The following USP3 variants were observed in gnomAD, a reference collection of about 807,000 sequenced individuals.
USP3 encodes ubiquitin carboxyl-terminal hydrolase 3.
A neutral mutation model predicts 72.3 loss-of-function variants in USP3; 20 were observed. The observed-to-expected ratio is 0.28, with a 90% confidence interval of 0.19 to 0.40. The LOEUF (loss-of-function observed/expected upper bound fraction) is 0.40, where lower values mean the gene tolerates loss of function less well. Among genes scored for constraint, USP3 ranks in the 10% least tolerant of loss-of-function variants. The pLI, the probability that USP3 is intolerant of heterozygous loss-of-function variation, is 1.00. For missense variants in USP3, 479 were observed against 633.9 expected, an observed-to-expected ratio of 0.76 and a Z score of 2.62; for synonymous variants, 222 against 225.3, an observed-to-expected ratio of 0.99 and a Z score of 0.13.
chr15:63,510,839 G>T (rs1325273603), intron 1 of USP3, among the ~76,000 whole-genome samples: 1 of 152,148 alleles, frequency 6.6e-6, no homozygotes, highest in Non-Finnish European at 1.5e-5. Flanking sequence ...GGTTTCTTTT[G>T]AGAATGTAGG....
chr15:63,542,337 A>G (rs1291641789), intron 3 of USP3: 1 of 313,112 alleles, frequency 3.2e-6, no homozygotes, highest in African/African-American at 2.3e-5. Flanking sequence ...GCTAGCTACT[A>G]TTGGACAGTG....
rs930096015 is a variant in USP3, at chr15:63,574,521, A to T, written c.1096+118A>T. 1.4e-6 allele frequency: 1 copy of T among 704,944 alleles called. No homozygotes were observed. Among genetic ancestry groups the T allele is most frequent in the African/African-American group, 1.9e-5 (1 of 53,570 alleles). The allele number at this position is 704,944 out of a possible 1,614,324, so 43.7% of individuals were successfully genotyped here. On this transcript the variant is annotated intron_variant, in intron 11 of 14. Transcript: ENST00000380324. The surrounding 1 kb of genome is among the most constrained non-coding windows in gnomAD (Gnocchi z 4.6). ...CTTTAATGAATCTGTGTTGTAACTT[A>T]ACAAAAGTCAAACTTGAATGTCTTT... is the stretch of plus-strand genomic sequence containing the variant.
At chr15:63,537,767 T>C (rs2066180405) in intron 3 of USP3, among the ~76,000 whole-genome samples, 1 of 152,074 alleles carries the variant, frequency 6.6e-6, no homozygotes, top group Non-Finnish European at 1.5e-5. Context: ...CTCACCTCAA[T>C]GTCTGCCTCC....
chr15:63,559,173 AAATGGGTT>A (rs1344526297), intron 6 of USP3, among the ~76,000 whole-genome samples: 1 of 152,246 alleles, frequency 6.6e-6, no homozygotes, highest in Non-Finnish European at 1.5e-5. Flanking sequence ...CACTAGGCAT[AAATGGGTT>A]AATCAAGGTC....
chr15:63,585,258 C>T (rs1471077678), intron 11 of USP3, among the ~76,000 whole-genome samples: 1 of 152,108 alleles, frequency 6.6e-6, no homozygotes, highest in African/African-American at 2.4e-5. Context: ...TCTATTTCTG[C>T]AGAAATTTCT....
intron 7 of USP3, among the ~76,000 whole-genome samples, chr15:63,561,807 A>G (rs999069722): frequency 2.0e-5 from 3 of 152,208 alleles, no homozygotes; most frequent in Admixed American, 1.3e-4. Flanking sequence ...CCAGGGACCT[A>G]TGTGATTGTG....
chr15:63,512,230 C>G (rs1341227854), intron 1 of USP3, among the ~76,000 whole-genome samples: 3 of 151,908 alleles, frequency 2.0e-5, no homozygotes, highest in Admixed American at 6.6e-5. Flanking sequence ...GCCTCCGTGC[C>G]TAGCCAGTAA....
rs554432738 is a variant in USP3, at chr15:63,591,638, G to A, written c.*812G>A. 7.9e-5 allele frequency: 12 copies of A among 152,074 alleles called. No homozygotes were observed. Among genetic ancestry groups the A allele is most frequent in the African/African-American group, 2.9e-4 (12 of 41,336 alleles). 9.4% of individuals were successfully genotyped at this position (152,074 alleles called of 1,614,324 possible). ...ATGGCGTCTGCCTCCTTTTGAATCA[G>A]TATCTCATTCCCCCTTAGTTGTACC... On this transcript the variant is annotated 3_prime_UTR_variant, in exon 15 of 15. Coordinates refer to ENST00000380324, the MANE Select transcript of USP3 (RefSeq NM_006537.4).
chr15:63,517,373 G>C (rs1595706418), intron 1 of USP3, among the ~76,000 whole-genome samples: 1 of 151,994 alleles, frequency 6.6e-6, no homozygotes, highest in East Asian at 1.9e-4. Context: ...AGAGTATGTT[G>C]GTTTTGAAGT....
chr15:63,592,870 T>G lies in USP3; in HGVS notation c.*2044T>G, dbSNP rs1038914481. ...GCTCCATTTCCATTTTAATATTAAC[T>G]GGATAAATCCCACATCTTCCCAGAA... On this transcript the variant is annotated 3_prime_UTR_variant, in exon 15 of 15. Transcript: ENST00000380324. The G allele has an allele frequency of 1.3e-5, 2 of 152,318 alleles. No individual in the cohort carries two copies. Among genetic ancestry groups the G allele is most frequent in the East Asian group, 3.9e-4 (2 of 5,190 alleles). The allele number at this position is 152,318 out of a possible 1,614,324, so 9.4% of individuals were successfully genotyped here. A position where few individuals can be genotyped will look rare whatever the true frequency, so the allele number is the denominator to read the frequency against.
At chr15:63,589,695 G>A (rs1399969075) in intron 14 of USP3, among the ~76,000 whole-genome samples, 1 of 152,072 alleles carries the variant, frequency 6.6e-6, no homozygotes, top group East Asian at 1.9e-4. Flanking sequence ...TCTCTATACT[G>A]TAGGTCTGAA....
intron 8 of USP3, among the ~76,000 whole-genome samples, chr15:63,569,685 G>A (rs541485275): frequency 3.9e-5 from 6 of 152,182 alleles, no homozygotes; most frequent in African/African-American, 1.4e-4. Context: ...CCTTCCACCT[G>A]TTCCAGTTTC....
Position 63,542,209 on chromosome 15 carries a change from G to C in USP3, c.284+5053G>C, listed in dbSNP as rs1352751806. Reference sequence around the variant, plus strand: ...GAGAAAGAGGTAGAGATTTTTCTCTGTCTTGGGTATGACATATATGTTATT... The same window carrying C: ...GAGAAAGAGGTAGAGATTTTTCTCTCTCTTGGGTATGACATATATGTTATT... On this transcript the variant is annotated intron_variant, in intron 3 of 14. Transcript: ENST00000380324. 4.1e-6 allele frequency: 4 copies of C among 984,678 alleles called. No individual in the cohort carries two copies. The Admixed American group carries it at 1.8e-4, about 45-fold the overall frequency. The allele number at this position is 984,678 out of a possible 1,614,324, so 61.0% of individuals were successfully genotyped here.
At chr15:63,507,056 A>G (rs181105742) in intron 1 of USP3, among the ~76,000 whole-genome samples, 1 of 152,222 alleles carries the variant, frequency 6.6e-6, no homozygotes, top group Admixed American at 6.5e-5. Context: ...TTGGAGTGTT[A>G]TATAGTCGTA....
rs1233434170 is a variant in USP3 at position 63,567,884 on chromosome 15, C to CTG, written c.762-2547_762-2546dup. ...GTGAAGAGACAGTTGCCGCGTGTTC[C>CTG]TGTACACTGTGCTTCAGCAGTGTTC... On this transcript the variant is annotated intron_variant, in intron 8 of 14. Coordinates refer to ENST00000380324, the MANE Select transcript of USP3 (RefSeq NM_006537.4). Among the ~76,000 whole-genome samples, 9 of 152,352 alleles carry CTG rather than the reference C, an allele frequency of 5.9e-5. No homozygotes were observed. In the South Asian group the frequency reaches 1.9e-3, roughly 32 times the overall value.
intron 1 of USP3, among the ~76,000 whole-genome samples, chr15:63,521,566 T>C (rs1204208779): frequency 1.3e-5 from 2 of 152,176 alleles, no homozygotes; most frequent in Non-Finnish European, 2.9e-5. Context: ...ATTAGAGAGC[T>C]GGAAGTAGCC....
chr15:63,585,044 A>C (rs1320926923), intron 11 of USP3, among the ~76,000 whole-genome samples: 1 of 152,216 alleles, frequency 6.6e-6, no homozygotes, highest in Non-Finnish European at 1.5e-5. Flanking sequence ...TTCTTGTCAA[A>C]AATCAGTTGA....
rs1317624085 is a variant in USP3, at chr15:63,574,912, A to T, written c.1096+509A>T. ...ATTTTTTGCTTGATGAGTACTAGCT[A>T]CTGTAATCAAGGCAGAAGACCTTAT... On this transcript the variant is annotated intron_variant, in intron 11 of 14. Coordinates refer to ENST00000380324, the MANE Select transcript of USP3 (RefSeq NM_006537.4). The surrounding 1 kb of genome is among the most constrained non-coding windows in gnomAD (Gnocchi z 4.6). Among the ~76,000 whole-genome samples, 1 of 152,206 alleles carries T rather than the reference A, an allele frequency of 6.6e-6. No individual in the cohort carries two copies. Among genetic ancestry groups the T allele is most frequent in the African/African-American group, 2.4e-5 (1 of 41,454 alleles).
chr15:63,590,185 T>C (rs1262256995), intron 14 of USP3, among the ~76,000 whole-genome samples: 4 of 152,136 alleles, frequency 2.6e-5, no homozygotes, highest in Non-Finnish European at 5.9e-5. Context: ...TAAATAGGGT[T>C]TTCCTGGCAC....
Sources: gnomAD v4.1 joint callset for allele counts (sites outside exome capture counted in the v4.1 genomes callset) on GRCh38, gnomAD v4.1.1 for gene constraint, Gnocchi (gnomAD v3.1) non-coding constraint, MANE v1.5 for transcripts, NCBI Gene and HGNC (gene_info 2026-07-23, HGNC 2026-07-21) for gene names.